The following PALM2AKAP2 variants were observed in gnomAD, a reference collection of about 807,000 sequenced individuals.
PALM2AKAP2 encodes PALM2-AKAP2 fusion protein.
PALM2AKAP2 carries 37 observed loss-of-function variants against 71.5 expected under a neutral mutation model. The observed-to-expected ratio is 0.52, with a 90% confidence interval of 0.40 to 0.68. The LOEUF (loss-of-function observed/expected upper bound fraction) is 0.68, where lower values mean the gene tolerates loss of function less well. Among genes scored for constraint, PALM2AKAP2 ranks in the 30% least tolerant of loss-of-function variants. The probability of loss-of-function intolerance (pLI) is 0.00; values close to 1 mark genes in which losing one functional copy is unlikely to be tolerated. For missense variants in PALM2AKAP2, 1,224 were observed against 1,191.8 expected, an observed-to-expected ratio of 1.03 and a Z score of -0.40; for synonymous variants, 468 against 478.8, an observed-to-expected ratio of 0.98 and a Z score of 0.29.
intron 2 of PALM2AKAP2, among the ~76,000 whole-genome samples, chr9:110,146,003 A>G (rs1029494248): frequency 3.6e-5 from 5 of 140,142 alleles, no homozygotes; most frequent in African/African-American, 5.4e-5. Flanking sequence ...GGTTCACGCC[A>G]TTCTCCTGCC....
chr9:110,068,635 G>A (rs1588089095), intron 1 of PALM2AKAP2, among the ~76,000 whole-genome samples: 1 of 151,898 alleles, frequency 6.6e-6, no homozygotes, highest in African/African-American at 2.4e-5. Flanking sequence ...AGGCTCAAGC[G>A]ATCCTCCCAC....
chr9:109,969,887 T>C (rs1588038087), intron 6 of PALM2AKAP2, among the ~76,000 whole-genome samples: 1 of 151,522 alleles, frequency 6.6e-6, no homozygotes, highest in African/African-American at 2.4e-5. Context: ...GCTTCATCTC[T>C]TTAGTGAACT....
chr9:109,782,969 C>T (rs1471486372), intron 1 of PALM2AKAP2, among the ~76,000 whole-genome samples: 1 of 152,080 alleles, frequency 6.6e-6, no homozygotes, highest in East Asian at 1.9e-4. Flanking sequence ...AGCCTGCCCC[C>T]AGAACCTAGC....
intron 1 of PALM2AKAP2, among the ~76,000 whole-genome samples, chr9:109,764,950 A>G (rs1446951204): frequency 6.6e-6 from 1 of 152,266 alleles, no homozygotes; most frequent in Non-Finnish European, 1.5e-5. Context: ...GTGGATACTC[A>G]GGATTCATAT....
At chr9:109,837,887 T>G (rs920730979) in intron 1 of PALM2AKAP2, among the ~76,000 whole-genome samples, 1 of 152,102 alleles carries the variant, frequency 6.6e-6, no homozygotes, top group Admixed American at 6.5e-5. Flanking sequence ...AACAAGTCCT[T>G]AGAGACCTAC....
chr9:109,901,293 T>G (rs1830325888), intron 3 of PALM2AKAP2, among the ~76,000 whole-genome samples: 1 of 152,224 alleles, frequency 6.6e-6, no homozygotes, highest in South Asian at 2.1e-4. Context: ...TCTTCTCAGC[T>G]CAGCCACCTG....
intron 1 of PALM2AKAP2, among the ~76,000 whole-genome samples, chr9:109,723,617 T>C (rs1205267444): frequency 7.9e-5 from 12 of 152,162 alleles, no homozygotes; most frequent in Non-Finnish European, 2.9e-5. Context: ...CATGAGGATA[T>C]ATATGTATCA....
In PALM2AKAP2 at chr9:110,058,905, T is replaced by G. The variant is rs867476176; in HGVS notation, c.156+10050T>G. Among the ~76,000 whole-genome samples, 736 of 146,644 alleles carry G rather than the reference T, an allele frequency of 5.0e-3. 7 individuals are homozygous for G. The highest frequency in any genetic ancestry group is 0.028 in the Middle Eastern group (8 of 290). On this transcript the variant is annotated intron_variant, in intron 1 of 3. Coordinates refer to ENST00000374525, the Ensembl canonical transcript of PALM2AKAP2. ...CTGATGGAAAGTTTTTTGGTTTTTT[T>G]TTTTTTTTTTTTTGAGATGGAGTCT...
chr9:109,998,264 T>C (rs1302418668), intron 6 of PALM2AKAP2, among the ~76,000 whole-genome samples: 2 of 152,192 alleles, frequency 1.3e-5, no homozygotes, highest in Non-Finnish European at 2.9e-5. Flanking sequence ...GCTTAGTGGC[T>C]ACTGACTGTG....
intron 1 of PALM2AKAP2, among the ~76,000 whole-genome samples, chr9:109,722,222 G>T (rs1828416460): frequency 6.6e-6 from 1 of 152,112 alleles, no homozygotes; most frequent in Admixed American, 6.6e-5. Flanking sequence ...ATATACTGAT[G>T]ATAATGACCT....
At chr9:109,735,306 C>G (rs1229593993) in intron 1 of PALM2AKAP2, among the ~76,000 whole-genome samples, 3 of 151,362 alleles carry the variant, frequency 2.0e-5, no homozygotes, top group African/African-American at 2.4e-5. Flanking sequence ...TTTATGATCT[C>G]CTAGCACTGT....
At chr9:109,805,092 A>G (rs1448841035) in intron 1 of PALM2AKAP2, among the ~76,000 whole-genome samples, 1 of 152,220 alleles carries the variant, frequency 6.6e-6, no homozygotes, top group Non-Finnish European at 1.5e-5. Context: ...TTTGGCTGCA[A>G]GTGCCTGAAA....
intron 1 of PALM2AKAP2, among the ~76,000 whole-genome samples, chr9:109,843,069 G>A (rs60296431): frequency 0.11 from 15,774 of 149,984 alleles, 1,173 homozygotes; most frequent in African/African-American, 0.21. Context: ...GAACCCGGGA[G>A]GTGGAGGTTG....
intron 1 of PALM2AKAP2, among the ~76,000 whole-genome samples, chr9:110,053,007 A>G (rs916339363): frequency 2.6e-5 from 4 of 152,246 alleles, no homozygotes; most frequent in African/African-American, 7.2e-5. Flanking sequence ...TCTTTCTACA[A>G]TAAAACAGAA....
chr9:109,745,291 G>A (rs1828780838), intron 1 of PALM2AKAP2, among the ~76,000 whole-genome samples: 1 of 152,170 alleles, frequency 6.6e-6, no homozygotes, highest in Non-Finnish European at 1.5e-5. Flanking sequence ...GGCAGAGGTT[G>A]TAGTCAGCTG....
chr9:109,983,923 AG>A (rs1832325057), intron 6 of PALM2AKAP2, among the ~76,000 whole-genome samples: 1 of 152,212 alleles, frequency 6.6e-6, no homozygotes, highest in Non-Finnish European at 1.5e-5. Context: ...AATGGCATCA[AG>A]GAGATAATTC....
chr9:110,047,340 A>T (rs529328024), upstream of PALM2AKAP2, among the ~76,000 whole-genome samples: 1 of 152,334 alleles, frequency 6.6e-6, no homozygotes, highest in African/African-American at 2.4e-5. Context: ...CGCTCAAGGC[A>T]GGGAAGAAGT....
At chr9:110,078,969 G>C (rs1030082823) in intron 1 of PALM2AKAP2, among the ~76,000 whole-genome samples, 2 of 152,216 alleles carry the variant, frequency 1.3e-5, no homozygotes, top group African/African-American at 4.8e-5. Flanking sequence ...TTTAGGAAAC[G>C]TGTGTAGTTA....
chr9:109,685,518 T>A lies in PALM2AKAP2; in HGVS notation c.5+44652T>A, dbSNP rs150483309. Among the ~76,000 whole-genome samples the A allele has an allele frequency of 1.2e-3, 179 of 152,292 alleles. 1 individual carries two copies. Among genetic ancestry groups the A allele is most frequent in the African/African-American group, 4.0e-3 (168 of 41,556 alleles). On this transcript the variant is annotated intron_variant, in intron 1 of 6. Coordinates refer to the PALM2AKAP2 transcript ENST00000374531. ...CTATACTAAAGTAGTTATAGTATAC[T>A]ATACTGTAACTACACTATACTCTAA... is the stretch of plus-strand genomic sequence containing the variant.
Sources: gnomAD v4.1 joint callset for allele counts (sites outside exome capture counted in the v4.1 genomes callset) on GRCh38, gnomAD v4.1.1 for gene constraint, MANE v1.5 for transcripts, NCBI Gene and HGNC (gene_info 2026-07-23, HGNC 2026-07-21) for gene names.